Variants in SLC44A5 observed in about 807,000 individuals in gnomAD.
SLC44A5 encodes choline transporter-like protein 5.
Under a neutral mutation model 101.8 loss-of-function variants are expected in SLC44A5, and 57 were observed. That is an observed-to-expected ratio of 0.56 (90% confidence interval 0.45 to 0.70). The LOEUF is 0.70. Ranked by LOEUF, SLC44A5 falls within the 30% of genes least tolerant of loss-of-function variation. The pLI is 0.00. For synonymous variants in SLC44A5, 281 were observed against 290.9 expected (o/e 0.97, Z 0.35); for missense variants, 737 against 853.1 (o/e 0.86, Z 1.70).
intron 2 of SLC44A5, among the ~76,000 whole-genome samples, chr1:75,438,295 G>T (rs79689348): frequency 1.3e-5 from 2 of 152,046 alleles, no homozygotes; most frequent in Non-Finnish European, 2.9e-5. Flanking sequence ...TGATTGGAGT[G>T]GTTTTCAGAC....
At chr1:75,242,163 T>C in intron 8 of SLC44A5, 102 bp from the exon 9 acceptor site, 1 of 766,970 alleles carries the variant, frequency 1.3e-6, no homozygotes, top group Non-Finnish European at 2.1e-6. Flanking sequence ...CATAATAATC[T>C]CCTTATTTCA....
chr1:75,415,545 G>A (rs183641410), intron 2 of SLC44A5, among the ~76,000 whole-genome samples: 7 of 152,288 alleles, frequency 4.6e-5, no homozygotes, highest in South Asian at 4.1e-4. Flanking sequence ...AGAGTGGGGC[G>A]CTGCTGAAAA....
At chr1:75,563,315 G>A (rs1672620998) in intron 1 of SLC44A5, among the ~76,000 whole-genome samples, 1 of 150,026 alleles carries the variant, frequency 6.7e-6, no homozygotes, top group African/African-American at 2.4e-5. Flanking sequence ...AAAAGTATCA[G>A]AAGATGATGA....
intron 2 of SLC44A5, among the ~76,000 whole-genome samples, chr1:75,412,223 G>A (rs927101144): frequency 2.8e-4 from 43 of 152,086 alleles, no homozygotes; most frequent in South Asian, 1.0e-3. Flanking sequence ...TATCTCCAGC[G>A]TATAACACAG....
chr1:75,387,985 C>T (rs1661496121), intron 3 of SLC44A5, among the ~76,000 whole-genome samples: 1 of 147,472 alleles, frequency 6.8e-6, no homozygotes, highest in African/African-American at 2.5e-5. Context: ...ACCACATATT[C>T]TCACTCATAG....
Position 75,393,139 on chromosome 1 carries a change from C to T in SLC44A5, c.52+3444G>A, listed in dbSNP as rs72684119. ...AATATACTCTTGTAACAAGCCTGCA[C>T]ATGTGCCCTCTGAATCTAAAATAAA... is the stretch of plus-strand genomic sequence containing the variant. On this transcript the variant is annotated intron_variant, in intron 3 of 23. Transcript: ENST00000370859. 9.6e-3 allele frequency among the ~76,000 whole-genome samples: 1,467 copies of T among 152,248 alleles called. 13 individuals carry two copies. Among genetic ancestry groups the T allele is most frequent in the Non-Finnish European group, 0.015 (1,017 of 68,030 alleles).
At chr1:75,653,277 T>G in the SLC44A5 span, among the ~76,000 whole-genome samples, 499 of 151,996 alleles carry the variant, frequency 3.3e-3, 2 homozygotes, top group Non-Finnish European at 5.5e-3. Context: ...AGGTCAGGAG[T>G]GTGAGACCAG....
the SLC44A5 span, among the ~76,000 whole-genome samples, chr1:75,709,109 C>T: frequency 6.6e-6 from 1 of 152,166 alleles, no homozygotes; most frequent in Non-Finnish European, 1.5e-5. Context: ...ATCTTAATCT[C>T]AGAGTTGTAA....
chr1:75,650,167 C>T, the SLC44A5 span, among the ~76,000 whole-genome samples: 4,905 of 152,140 alleles, frequency 0.032, 280 homozygotes, highest in African/African-American at 0.11. Flanking sequence ...CACCCATTAG[C>T]GTACATTGTA....
intron 2 of SLC44A5, among the ~76,000 whole-genome samples, chr1:75,481,848 G>A (rs568407276): frequency 3.9e-5 from 6 of 152,318 alleles, no homozygotes; most frequent in South Asian, 2.1e-4. Context: ...TTAGTGTGGC[G>A]ATTCCTCAGG....
At chr1:75,721,182 T>C in the SLC44A5 span, among the ~76,000 whole-genome samples, 1 of 152,138 alleles carries the variant, frequency 6.6e-6, no homozygotes. Flanking sequence ...CCTGAAGTAG[T>C]CTTTCAGGTT....
At chr1:75,623,802 T>C in the SLC44A5 span, among the ~76,000 whole-genome samples, 330 of 152,226 alleles carry the variant, frequency 2.2e-3, 3 homozygotes, top group Non-Finnish European at 9.9e-4. Flanking sequence ...ATAGAACTGG[T>C]TGAGAGTTAA....
chr1:75,249,963 T>A (rs1649424939), intron 7 of SLC44A5, among the ~76,000 whole-genome samples: 1 of 152,194 alleles, frequency 6.6e-6, no homozygotes, highest in Non-Finnish European at 1.5e-5. Flanking sequence ...GTGTGACCTA[T>A]CTTTTTTGTG....
the SLC44A5 span, among the ~76,000 whole-genome samples, chr1:75,678,312 C>A: frequency 2.6e-5 from 4 of 152,266 alleles, no homozygotes; most frequent in East Asian, 1.9e-4. Flanking sequence ...GGGGGCAGGG[C>A]ACAGACAAAC....
At chr1:75,395,455 C>G (rs1662065355) in intron 3 of SLC44A5, among the ~76,000 whole-genome samples, 1 of 152,028 alleles carries the variant, frequency 6.6e-6, no homozygotes, top group Non-Finnish European at 1.5e-5. Flanking sequence ...TTTCTATTAC[C>G]TACCTTTCTA....
intron 3 of SLC44A5, among the ~76,000 whole-genome samples, chr1:75,395,026 C>T (rs560922686): frequency 6.6e-6 from 1 of 152,088 alleles, no homozygotes; most frequent in South Asian, 2.1e-4. Flanking sequence ...TATATTGAAC[C>T]TTTCCTCTTT....
intron 5 of SLC44A5, among the ~76,000 whole-genome samples, chr1:75,290,376 T>C (rs1286505199): frequency 6.6e-6 from 1 of 152,148 alleles, no homozygotes; most frequent in Non-Finnish European, 1.5e-5. Context: ...AAGATATTTA[T>C]AAAGGTATGA....
chr1:75,609,305 G>GT (rs141759257), intron 1 of SLC44A5, among the ~76,000 whole-genome samples: 2,562 of 151,822 alleles, frequency 0.017, 67 homozygotes, highest in African/African-American at 0.059. Flanking sequence ...ATTTCTTTGG[G>GT]TTTTTTCTTT....
At chr1:75,680,796 C>T in the SLC44A5 span, among the ~76,000 whole-genome samples, 4 of 149,512 alleles carry the variant, frequency 2.7e-5, no homozygotes, top group Admixed American at 2.7e-4. Context: ...ACACAAAAAA[C>T]CCTTCAAAAA....
Sources: allele counts gnomAD v4.1 joint callset (sites outside exome capture counted in the v4.1 genomes callset), GRCh38; gene constraint gnomAD v4.1.1; transcripts MANE v1.5; gene names NCBI Gene and HGNC (gene_info 2026-07-23, HGNC 2026-07-21).